CLUAP1: variants seen among roughly 807,000 people sequenced by gnomAD.
CLUAP1 encodes clusterin-associated protein 1.
Under a neutral mutation model 55.0 loss-of-function variants are expected in CLUAP1, and 50 were observed. The ratio of observed to expected loss-of-function variants is 0.91; its 90% CI spans 0.72 to 1.15. CLUAP1 has a LOEUF of 1.15. Ranked by LOEUF, CLUAP1 falls within the 50% of genes most tolerant of loss-of-function variation. CLUAP1 has a pLI of 0.00. For synonymous variants in CLUAP1, 195 were observed against 175.4 expected, an observed-to-expected ratio of 1.11 and a Z score of -0.88; for missense variants, 530 against 507.6, an observed-to-expected ratio of 1.04 and a Z score of -0.42.
chr16:3,508,213 C>G, intron 3 of CLUAP1, 76 bp from the exon 4 acceptor site: 1 of 1,342,694 alleles, frequency 7.4e-7, no homozygotes, highest in Non-Finnish European at 1.0e-6. Flanking sequence ...GCATTTTCAA[C>G]TCACCTACAT....
At chr16:3,532,403 C>CTTT (rs58037008) in intron 10 of CLUAP1, among the ~76,000 whole-genome samples, 2 of 50,768 alleles carry the variant, frequency 3.9e-5, no homozygotes, top group Non-Finnish European at 7.0e-5. Flanking sequence ...AGCACAGTTG[C>CTTT]TTTTTTTTTT....
chr16:3,516,571 AAG>A (rs914976831), intron 6 of CLUAP1, among the ~76,000 whole-genome samples: 1 of 152,196 alleles, frequency 6.6e-6, no homozygotes, highest in African/African-American at 2.4e-5. Context: ...CAAAAATGGA[AAG>A]AGAGAAAATT....
chr16:3,498,197 A>C (rs934547325), upstream of CLUAP1, among the ~76,000 whole-genome samples: 4 of 152,064 alleles, frequency 2.6e-5, no homozygotes, highest in East Asian at 7.7e-4. Flanking sequence ...CCAGCCCATG[A>C]AGAGAGTGTG....
upstream of CLUAP1, chr16:3,496,231 C>T (rs941221196): frequency 1.6e-6 from 1 of 619,980 alleles, no homozygotes; most frequent in African/African-American, 1.8e-5. Context: ...CAAGAAGGAC[C>T]TAAAGGTTCG....
In CLUAP1 at chr16:3,509,230, C is replaced by T. The variant is rs2037570793; in HGVS notation, c.399+762C>T. Among the ~76,000 whole-genome samples, 3 of 152,102 alleles carry T rather than the reference C, an allele frequency of 2.0e-5. 1 individual carries two copies. The highest frequency in any genetic ancestry group is 4.1e-4 in the South Asian group (2 of 4,826). Reference sequence around the variant, plus strand: ...TGGCACTGCGCTCCCGCCTAGGCAACAGAACGAGACCTTGTCTGGGGGGAA... The same window carrying T: ...TGGCACTGCGCTCCCGCCTAGGCAATAGAACGAGACCTTGTCTGGGGGGAA... On this transcript the variant is annotated intron_variant, in intron 4 of 11. Coordinates refer to ENST00000576634, the MANE Select transcript of CLUAP1 (RefSeq NM_015041.3).
chr16:3,501,189 G>A, intron 1 of CLUAP1, 100 bp downstream of exon 1: 1 of 1,294,100 alleles, frequency 7.7e-7, no homozygotes, highest in Non-Finnish European at 1.1e-6. Context: ...GGCTTGCGCT[G>A]CCGGAGGCTC....
upstream of CLUAP1, among the ~76,000 whole-genome samples, chr16:3,499,849 G>C (rs1236792403): frequency 6.6e-6 from 1 of 152,188 alleles, no homozygotes; most frequent in Admixed American, 6.5e-5. Context: ...CTAGTGCAAG[G>C]TGCCACGTAA....
chr16:3,523,546 C>T (rs542498634), intron 8 of CLUAP1, among the ~76,000 whole-genome samples: 1 of 152,232 alleles, frequency 6.6e-6, no homozygotes, highest in African/African-American at 2.4e-5. Context: ...ACAGGGCCGA[C>T]ATGAGGCCTG....
chr16:3,504,964 G>C (rs1033264901), intron 2 of CLUAP1, 133 bp downstream of exon 2: 3 of 649,650 alleles, frequency 4.6e-6, no homozygotes, highest in Non-Finnish European at 8.5e-6. Context: ...GCTGTATTCT[G>C]TTACAAAGGA....
intron 6 of CLUAP1, among the ~76,000 whole-genome samples, chr16:3,516,430 C>A (rs1012995220): frequency 3.9e-5 from 6 of 152,050 alleles, no homozygotes; most frequent in Non-Finnish European, 8.8e-5. Context: ...AGCCTCACAG[C>A]GGGAGAAGGG....
intron 5 of CLUAP1, among the ~76,000 whole-genome samples, chr16:3,513,285 G>T (rs2037667877): frequency 6.6e-6 from 1 of 152,130 alleles, no homozygotes; most frequent in South Asian, 2.1e-4. Flanking sequence ...AGCAGTTTGG[G>T]ACCAGCAATC....
At chr16:3,529,489 A>G (rs57623426) in intron 9 of CLUAP1, among the ~76,000 whole-genome samples, 1 of 67,438 alleles carries the variant, frequency 1.5e-5, no homozygotes, top group Non-Finnish European at 2.6e-5. Flanking sequence ...ATATTATATA[A>G]TTATATTATA....
intron 5 of CLUAP1, among the ~76,000 whole-genome samples, chr16:3,514,627 C>G (rs780404460): frequency 6.6e-6 from 1 of 152,202 alleles, no homozygotes. Flanking sequence ...TCTCACAGTT[C>G]TGGAGATTGG....
chr16:3,507,677 AGTTTGTGT>A (rs1275688986), intron 3 of CLUAP1, among the ~76,000 whole-genome samples: 1 of 103,894 alleles, frequency 9.6e-6, no homozygotes, highest in Non-Finnish European at 1.9e-5. Flanking sequence ...TCTCTTCCAG[AGTTTGTGT>A]GTGTGTGTGT....
chr16:3,496,303 GT>G (rs2037308803), upstream of CLUAP1: 2 of 935,512 alleles, frequency 2.1e-6, no homozygotes, highest in Non-Finnish European at 3.4e-6. Context: ...AGCTGTACAG[GT>G]TACCGTCCAG....
chr16:3,499,954 A>C (rs568373853), upstream of CLUAP1, among the ~76,000 whole-genome samples: 9 of 152,352 alleles, frequency 5.9e-5, no homozygotes, highest in East Asian at 1.7e-3. Flanking sequence ...TGGCATAAGG[A>C]AGCCCCCTCT....
In CLUAP1 at chr16:3,512,495, T is replaced by G. The variant is rs2037648898; in HGVS notation, c.495+17T>G. The G allele has an allele frequency of 3.8e-6, 6 of 1,571,138 alleles. No individual in the cohort carries two copies. Among genetic ancestry groups the G allele is most frequent in the African/African-American group, 1.3e-5 (1 of 74,076 alleles). On this transcript the variant is annotated intron_variant, in intron 5 of 11. Coordinates refer to ENST00000576634, the MANE Select transcript of CLUAP1 (RefSeq NM_015041.3). ...GAGTTGAGGGTAAGCATTCCAGTACTTCCTTAACCATGCAGATTTTCTCTT... is the reference window on the plus strand; with the variant it reads ...GAGTTGAGGGTAAGCATTCCAGTACGTCCTTAACCATGCAGATTTTCTCTT...
Position 3,523,313 on chromosome 16 carries a change from G to A in CLUAP1, c.855+14G>A, listed in dbSNP as rs775508517. 4 of 1,603,724 alleles carry A rather than the reference G, an allele frequency of 2.5e-6. No homozygotes were observed. The East Asian group carries it at 6.7e-5, about 27-fold the overall frequency. ...GAAAGGTTTGAGGTGAGCTGAGCCT[G>A]TCCTCTGTTCAGCCATTCCTTCTGG... On this transcript the variant is annotated intron_variant, in intron 8 of 11. Coordinates refer to ENST00000576634, the MANE Select transcript of CLUAP1 (RefSeq NM_015041.3).
chr16:3,521,952 G>C (rs1173713599), intron 7 of CLUAP1, among the ~76,000 whole-genome samples: 4 of 151,812 alleles, frequency 2.6e-5, no homozygotes, highest in African/African-American at 4.8e-5. Context: ...CCAGCTACTT[G>C]GGGGCCTGAG....
Sources: allele counts gnomAD v4.1 joint callset (sites outside exome capture counted in the v4.1 genomes callset), GRCh38; gene constraint gnomAD v4.1.1; transcripts MANE v1.5; gene names NCBI Gene and HGNC (gene_info 2026-07-23, HGNC 2026-07-21).